ANK3: variants seen among roughly 807,000 people sequenced by gnomAD.
ANK3 encodes the protein ankyrin-3.
Under a neutral mutation model 370.9 loss-of-function variants are expected in ANK3, and 57 were observed. The ratio of observed to expected loss-of-function variants is 0.15; its 90% CI spans 0.12 to 0.19. The LOEUF is 0.19. Ranked by LOEUF, ANK3 falls within the 10% of genes least tolerant of loss-of-function variation. The probability of loss-of-function intolerance (pLI) is 1.00; values close to 1 mark genes in which losing one functional copy is unlikely to be tolerated. For synonymous variants in ANK3, 1,929 were observed against 1,946.3 expected, an observed-to-expected ratio of 0.99 and a Z score of 0.23; for missense variants, 4,439 against 5,302.1, an observed-to-expected ratio of 0.84 and a Z score of 5.06.
intron 2 of ANK3, among the ~76,000 whole-genome samples, chr10:60,422,433 C>T (rs573432151): frequency 5.9e-5 from 9 of 152,064 alleles, no homozygotes; most frequent in Admixed American, 1.3e-4. Context: ...GATCCTCTTG[C>T]TATCCAAGTT....
intron 2 of ANK3, among the ~76,000 whole-genome samples, chr10:60,593,938 A>G (rs2077951826): frequency 6.6e-6 from 1 of 152,226 alleles, no homozygotes; most frequent in African/African-American, 2.4e-5. Context: ...ATGGCCTGGA[A>G]CCAATATCTA....
chr10:60,417,575 A>G (rs74436260), intron 2 of ANK3, among the ~76,000 whole-genome samples: 73 of 152,318 alleles, frequency 4.8e-4, no homozygotes, highest in Non-Finnish European at 9.1e-4. Context: ...AGAAAAAGAT[A>G]TAAGTGAAAG....
rs897839834 is a variant in ANK3 at position 60,196,640 on chromosome 10, A to C, written c.1690-15T>G. The C allele has an allele frequency of 2.7e-5, 41 of 1,494,338 alleles. No homozygotes were observed. The highest frequency in any genetic ancestry group is 7.1e-5 in the Admixed American group (4 of 55,956). The allele number at this position is 1,494,338 out of a possible 1,614,324, so 92.6% of individuals were successfully genotyped here. A position where few individuals can be genotyped will look rare whatever the true frequency, so the allele number is the denominator to read the frequency against. On this transcript the variant is annotated splice_polypyrimidine_tract_variant and intron_variant, in intron 14 of 43. Transcript: ENST00000280772. ...GTAAATCCTTTCTGAAAAAAAAAAAACATAAAAATAATGAACAATAGAAAT... is the reference window on the plus strand; with the variant it reads ...GTAAATCCTTTCTGAAAAAAAAAAACCATAAAAATAATGAACAATAGAAAT...
At chr10:60,511,019 ATTTT>A (rs751737555) in intron 2 of ANK3, among the ~76,000 whole-genome samples, 1 of 151,916 alleles carries the variant, frequency 6.6e-6, no homozygotes, top group East Asian at 1.9e-4. Flanking sequence ...GTGAGAAAAC[ATTTT>A]TTTAAGGAGA....
chr10:60,393,146 G>T (rs2063147572), upstream of ANK3, among the ~76,000 whole-genome samples: 1 of 152,130 alleles, frequency 6.6e-6, no homozygotes, highest in African/African-American at 2.4e-5. Flanking sequence ...AGTCCTACAG[G>T]AAAGGTACTT....
intron 1 of ANK3, among the ~76,000 whole-genome samples, chr10:60,361,814 G>A (rs767600025): frequency 1.3e-5 from 2 of 152,110 alleles, no homozygotes; most frequent in Non-Finnish European, 2.9e-5. Context: ...GGTCAAGTAA[G>A]TTGAAGTTTT....
intron 1 of ANK3, among the ~76,000 whole-genome samples, chr10:60,730,746 A>G (rs1223990476): frequency 1.3e-5 from 2 of 152,244 alleles, no homozygotes; most frequent in African/African-American, 4.8e-5. Flanking sequence ...CAGTCAATAC[A>G]TACAGGGAAA....
chr10:60,278,999 C>A, intron 3 of ANK3, 51 bp downstream of exon 3: 1 of 1,590,132 alleles, frequency 6.3e-7, no homozygotes, highest in South Asian at 1.1e-5. Flanking sequence ...GGGCTGAATC[C>A]TCACAGAACA....
intron 28 of ANK3, among the ~76,000 whole-genome samples, chr10:60,091,104 C>T (rs1443587329): frequency 6.6e-6 from 1 of 152,182 alleles, no homozygotes; most frequent in Non-Finnish European, 1.5e-5. Context: ...AGGGTTTCAC[C>T]ATGTTGGCCA....
intron 2 of ANK3, among the ~76,000 whole-genome samples, chr10:60,583,079 A>C (rs191647642): frequency 2.2e-4 from 33 of 152,336 alleles, no homozygotes; most frequent in Admixed American, 7.8e-4. Context: ...TTGCAGCACT[A>C]TTCACAATAG....
At chr10:60,166,790 A>G (rs1359429402) in intron 22 of ANK3, 34 bp downstream of exon 22, 2 of 1,603,162 alleles carry the variant, frequency 1.2e-6, no homozygotes, top group Middle Eastern at 1.7e-4. Flanking sequence ...ACAGTCACTT[A>G]TAATTATTGT....
rs540939855 is a variant in ANK3, at chr10:60,196,150, C to A, written c.1882G>T (p.Ala628Ser). Residue 628 changes from alanine (A) to serine (S), a missense_variant, in exon 16 of 44, where the codon GCA becomes TCA. Physicochemically the swap from Ala to Ser is moderately conservative, Grantham distance 99. Coordinates refer to ENST00000280772, the MANE Select transcript of ANK3 (RefSeq NM_020987.5). ...GGCTGTGGAATTATAGGTACCTTTG[C>A]GGCTGCGTGAGGTGAGGCTCCTTGG... is the stretch of plus-strand genomic sequence containing the variant. Reference protein sequence around the residue: ...LDQGASPHAAAKNGYTPLHIA... With the variant: ...LDQGASPHAASKNGYTPLHIA... 2 of 1,613,296 alleles carry A rather than the reference C, an allele frequency of 1.2e-6. No homozygotes were observed. Among genetic ancestry groups the A allele is most frequent in the African/African-American group, 1.3e-5 (1 of 74,876 alleles).
rs548355262 is a variant in ANK3 at position 60,030,205 on chromosome 10, C to G, written c.*20-379G>C. On this transcript the variant is annotated intron_variant, in intron 43 of 43. Coordinates refer to ENST00000280772, the MANE Select transcript of ANK3 (RefSeq NM_020987.5). ...TTGCCCAGGCTGGAGTGCAGTGGCC[C>G]GAAATTGGCTCACTGCAAGCTCTGC... Among the ~76,000 whole-genome samples, 3 of 152,056 alleles carry G rather than the reference C, an allele frequency of 2.0e-5. No individual in the cohort carries two copies. In the South Asian group the frequency reaches 6.2e-4, roughly 32 times the overall value.
intron 2 of ANK3, among the ~76,000 whole-genome samples, chr10:60,467,211 G>C (rs2065030602): frequency 6.6e-6 from 1 of 152,110 alleles, no homozygotes; most frequent in South Asian, 2.1e-4. Flanking sequence ...TACATTATCA[G>C]CTTACTACCC....
chr10:60,352,888 ACT>A (rs2057111345), intron 1 of ANK3, among the ~76,000 whole-genome samples: 1 of 152,136 alleles, frequency 6.6e-6, no homozygotes, highest in African/African-American at 2.4e-5. Context: ...ATGGAACTAG[ACT>A]CTCTTAGGAG....
chr10:60,500,474 G>A (rs902273840), intron 2 of ANK3, among the ~76,000 whole-genome samples: 5 of 152,202 alleles, frequency 3.3e-5, no homozygotes, highest in Non-Finnish European at 5.9e-5. Flanking sequence ...ACAAAAAGAG[G>A]TGGGTGGAGG....
chr10:60,289,672 A>G (rs10740019), intron 1 of ANK3, among the ~76,000 whole-genome samples: 149,913 of 152,258 alleles, frequency 0.98, 73,841 homozygotes, highest in Middle Eastern at 1. Flanking sequence ...GTGCTGATGT[A>G]AGCCACAGTG....
intron 2 of ANK3, among the ~76,000 whole-genome samples, chr10:60,543,746 T>C (rs1363053808): frequency 6.6e-6 from 1 of 152,092 alleles, no homozygotes; most frequent in African/African-American, 2.4e-5. Context: ...ATTCATTTCC[T>C]GAGATATAAA....
At chr10:60,403,084 G>A (rs2063384629) in intron 2 of ANK3, among the ~76,000 whole-genome samples, 1 of 152,026 alleles carries the variant, frequency 6.6e-6, no homozygotes, top group Non-Finnish European at 1.5e-5. Flanking sequence ...CTAATAAATT[G>A]AAAATTTAGA....
Sources: gnomAD v4.1 joint callset for allele counts (sites outside exome capture counted in the v4.1 genomes callset) on GRCh38, gnomAD v4.1.1 for gene constraint, MANE v1.5 for transcripts, NCBI Gene and HGNC (gene_info 2026-07-23, HGNC 2026-07-21) for gene names.